The following CCSER1 variants were observed in gnomAD, a reference collection of about 807,000 sequenced individuals.
CCSER1 encodes coiled-coil serine rich protein 1.
Under a neutral mutation model 82.0 loss-of-function variants are expected in CCSER1, and 41 were observed. The observed-to-expected ratio is 0.50, with a 90% CI of 0.39 to 0.65. CCSER1 has a LOEUF of 0.65. Ranked by LOEUF, CCSER1 falls within the 30% of genes least tolerant of loss-of-function variation. The pLI, the probability that CCSER1 is intolerant of heterozygous loss-of-function variation, is 0.00. For missense variants in CCSER1, 1,119 were observed against 1,064.2 expected (o/e 1.05, Z -0.72); for synonymous variants, 414 against 383.9 (o/e 1.08, Z -0.92).
At chr4:90,902,204 CT>C (rs1724762779) in intron 8 of CCSER1, among the ~76,000 whole-genome samples, 1 of 149,514 alleles carries the variant, frequency 6.7e-6, no homozygotes, top group African/African-American at 2.5e-5. Context: ...CATTTTTTTT[CT>C]GGTTTCTTTG....
At chr4:91,012,774 C>A (rs549518425) in intron 9 of CCSER1, among the ~76,000 whole-genome samples, 1 of 83,226 alleles carries the variant, frequency 1.2e-5, no homozygotes, top group Non-Finnish European at 3.5e-5. Flanking sequence ...CTTATTCTCT[C>A]GGGGAGGATA....
At chr4:90,950,431 TG>T (rs1392632524) in intron 9 of CCSER1, among the ~76,000 whole-genome samples, 1 of 152,062 alleles carries the variant, frequency 6.6e-6, no homozygotes, top group Non-Finnish European at 1.5e-5. Flanking sequence ...AGAACAAAAC[TG>T]AATTATGGTG....
intron 3 of CCSER1, among the ~76,000 whole-genome samples, chr4:90,330,417 A>G (rs968470795): frequency 1.3e-5 from 2 of 152,158 alleles, no homozygotes; most frequent in African/African-American, 4.8e-5. Context: ...CAGATCAGCC[A>G]CCTAGCTATG....
intron 3 of CCSER1, among the ~76,000 whole-genome samples, chr4:90,369,436 TAAA>T (rs1262245981): frequency 7.8e-6 from 1 of 127,466 alleles, no homozygotes; most frequent in Non-Finnish European, 1.7e-5. Context: ...CACAGAGGTA[TAAA>T]AAAAGAGAAT....
chr4:90,911,994 G>T (rs150726277), intron 8 of CCSER1, among the ~76,000 whole-genome samples: 1,586 of 152,294 alleles, frequency 0.01, 21 homozygotes, highest in African/African-American at 0.035. Context: ...GCTGGAATTG[G>T]GTGGAGCCCA....
At chr4:91,205,714 C>T (rs990851580) in intron 10 of CCSER1, among the ~76,000 whole-genome samples, 2 of 151,352 alleles carry the variant, frequency 1.3e-5, no homozygotes, top group African/African-American at 4.8e-5. Flanking sequence ...CTCATTCCCA[C>T]CTGGCCTCCC....
chr4:90,923,227 T>G, intron 8 of CCSER1, 143 bp from the exon 9 acceptor site: 1 of 640,546 alleles, frequency 1.6e-6, no homozygotes, highest in South Asian at 2.0e-5. Context: ...TTTAAGCTTA[T>G]TTTAAGAGCA....
rs974364097 is a variant in CCSER1 at position 90,517,000 on chromosome 4, G to C, written c.1724+48646G>C. Reference sequence around the variant, plus strand: ...ACAGATGCTTCTCAACTTACGATGGGGTTACATCCCATAAAGCCACCATAA... The same window carrying C: ...ACAGATGCTTCTCAACTTACGATGGCGTTACATCCCATAAAGCCACCATAA... On this transcript the variant is annotated intron_variant, in intron 5 of 10. Transcript: ENST00000509176. Among the ~76,000 whole-genome samples the C allele has an allele frequency of 4.6e-5, 7 of 152,006 alleles. No homozygotes were observed. The East Asian group carries it at 9.7e-4, about 21-fold the overall frequency.
chr4:90,322,359 C>T (rs1737319507), intron 3 of CCSER1, among the ~76,000 whole-genome samples: 1 of 152,144 alleles, frequency 6.6e-6, no homozygotes, highest in Admixed American at 6.6e-5. Flanking sequence ...TATGATACTA[C>T]CATGCTATTT....
chr4:91,389,662 A>G lies in CCSER1; in HGVS notation c.2218-208910A>G, dbSNP rs1379282874. Reference sequence around the variant, plus strand: ...GGGGATTGTGTTGAATCTGTAGTTCAGGTTAATAATTGACATCTTGACAAT... The same window carrying G: ...GGGGATTGTGTTGAATCTGTAGTTCGGGTTAATAATTGACATCTTGACAAT... On this transcript the variant is annotated intron_variant, in intron 10 of 10. Transcript: ENST00000509176. Among the ~76,000 whole-genome samples, 6 of 152,114 alleles carry G rather than the reference A, an allele frequency of 3.9e-5. No homozygotes were observed. The East Asian group carries it at 1.2e-3, about 29-fold the overall frequency.
At chr4:90,176,324 TA>T (rs1302615857) in intron 1 of CCSER1, among the ~76,000 whole-genome samples, 1 of 151,978 alleles carries the variant, frequency 6.6e-6, no homozygotes, top group African/African-American at 2.4e-5. Flanking sequence ...GGCTAATTTG[TA>T]GAAGAGCTTT....
intron 9 of CCSER1, among the ~76,000 whole-genome samples, chr4:91,045,076 A>G (rs957184595): frequency 2.0e-5 from 3 of 152,180 alleles, no homozygotes; most frequent in Non-Finnish European, 4.4e-5. Context: ...TCTTATACAT[A>G]TAAACCTAGA....
chr4:91,568,465 CTTTCCTTTCT>C, intron 10 of CCSER1, among the ~76,000 whole-genome samples: 1 of 152,158 alleles, frequency 6.6e-6, no homozygotes, highest in Non-Finnish European at 1.5e-5. Flanking sequence ...GCTTTCTACC[CTTTCCTTTCT>C]GGGAAGCCAG....
intron 3 of CCSER1, among the ~76,000 whole-genome samples, chr4:90,391,123 A>G (rs1459412907): frequency 6.7e-6 from 1 of 150,124 alleles, no homozygotes; most frequent in Admixed American, 6.6e-5. Context: ...AAAAAAAAAA[A>G]AAGGCTGAGC....
At chr4:91,303,617 C>A (rs1325070819) in intron 10 of CCSER1, among the ~76,000 whole-genome samples, 2 of 151,798 alleles carry the variant, frequency 1.3e-5, no homozygotes, top group Non-Finnish European at 2.9e-5. Context: ...AAGACCCCAT[C>A]TCTACAAAAA....
chr4:91,330,698 T>C (rs1355706021), intron 10 of CCSER1, among the ~76,000 whole-genome samples: 3 of 152,264 alleles, frequency 2.0e-5, no homozygotes, highest in South Asian at 4.1e-4. Context: ...CCTGGAGAAG[T>C]AGTGGCTCAG....
chr4:91,165,016 A>G (rs1487550044), intron 10 of CCSER1, among the ~76,000 whole-genome samples: 2 of 152,078 alleles, frequency 1.3e-5, no homozygotes, highest in African/African-American at 4.8e-5. Context: ...GAGGTGCTCT[A>G]ATTTTTAGAA....
chr4:90,626,307 T>G (rs1723251877), intron 5 of CCSER1, among the ~76,000 whole-genome samples: 1 of 152,154 alleles, frequency 6.6e-6, no homozygotes, highest in Non-Finnish European at 1.5e-5. Flanking sequence ...TTAAAAATGA[T>G]ACACTTCAAA....
chr4:91,118,602 T>C (rs1330052538), intron 10 of CCSER1, among the ~76,000 whole-genome samples: 1 of 152,168 alleles, frequency 6.6e-6, no homozygotes, highest in African/African-American at 2.4e-5. Flanking sequence ...CTCATTTAGA[T>C]TGGTTAACTT....
Sources: gnomAD v4.1 joint callset for allele counts (sites outside exome capture counted in the v4.1 genomes callset) on GRCh38, gnomAD v4.1.1 for gene constraint, MANE v1.5 for transcripts, NCBI Gene and HGNC (gene_info 2026-07-23, HGNC 2026-07-21) for gene names.